Variants in UGT1A6 observed in about 807,000 individuals in gnomAD.
UGT1A6 encodes UDP glucuronosyltransferase family 1 member A6, also known as UDP-glucuronosyltransferase 1A6.
UGT1A6 carries 32 observed loss-of-function variants against 44.4 expected under a neutral mutation model. The ratio of observed to expected loss-of-function variants is 0.72; its 90% confidence interval spans 0.54 to 0.97. The LOEUF (loss-of-function observed/expected upper bound fraction) is 0.97, where lower values mean the gene tolerates loss of function less well. Among genes scored for constraint, UGT1A6 ranks in the 50% least tolerant of loss-of-function variants. The probability of loss-of-function intolerance (pLI) is 0.00; values close to 1 mark genes in which losing one functional copy is unlikely to be tolerated. For synonymous variants in UGT1A6, 238 were observed against 248.5 expected, an observed-to-expected ratio of 0.96 and a Z score of 0.40; for missense variants, 685 against 661.9, an observed-to-expected ratio of 1.03 and a Z score of -0.38.
At chr2:233,714,116 G>A (rs869462) in intron 1 of UGT1A6, among the ~76,000 whole-genome samples, 2 of 152,116 alleles carry the variant, frequency 1.3e-5, no homozygotes, top group African/African-American at 2.4e-5. Flanking sequence ...TGTGACTCAC[G>A]GAGACTGTTC....
At position 233,713,972 on chromosome 2, in the gene UGT1A6, C is replaced by T. The variant is rs191784973; in HGVS notation, c.861+20107C>T. On this transcript the variant is annotated intron_variant, in intron 1 of 4. Transcript: ENST00000305139. ...TATCTTTCCAAAGATTTCATTTCTG[C>T]TTCTCATTGTTGTAATAGTCTTCAG... 1.3e-3 allele frequency: 2,084 copies of T among 1,599,986 alleles called. 2 individuals carry two copies. Among genetic ancestry groups the T allele is most frequent in the Non-Finnish European group, 1.6e-3 (1,935 of 1,173,724 alleles).
At chr2:233,708,440 C>A (rs1172500075) in intron 1 of UGT1A6, 1 of 152,126 alleles carries the variant, frequency 6.6e-6, no homozygotes, top group African/African-American at 2.4e-5. Context: ...CTGGTATTTA[C>A]CTTCTGCATT....
chr2:233,719,157 A>C (rs757422133), intron 1 of UGT1A6: 2 of 1,614,264 alleles, frequency 1.2e-6, no homozygotes, highest in Non-Finnish European at 1.7e-6. Context: ...ATATTCTAGA[A>C]GTATGGCAAT....
chr2:233,729,563 T>C (rs1575582570), intron 1 of UGT1A6: 2 of 1,614,156 alleles, frequency 1.2e-6, no homozygotes, highest in South Asian at 1.1e-5. Flanking sequence ...GCTACTTCCT[T>C]TGATGTGGTT....
chr2:233,708,692 A>C (rs1281876444), intron 1 of UGT1A6: 3 of 152,284 alleles, frequency 2.0e-5, no homozygotes, highest in Non-Finnish European at 4.4e-5. Context: ...TCAAGGTTCC[A>C]GTGAGCTATG....
intron 1 of UGT1A6, among the ~76,000 whole-genome samples, chr2:233,724,462 A>G (rs2077262271): frequency 8.2e-6 from 1 of 121,344 alleles, no homozygotes; most frequent in Admixed American, 8.0e-5. Flanking sequence ...TGCCGGGCGG[A>G]GGGGCTCCTC....
intron 1 of UGT1A6, among the ~76,000 whole-genome samples, chr2:233,735,242 T>G (rs989843667): frequency 6.6e-6 from 1 of 152,236 alleles, no homozygotes; most frequent in African/African-American, 2.4e-5. Flanking sequence ...CTCTTGTTGT[T>G]GAATTGCTCC....
intron 1 of UGT1A6, among the ~76,000 whole-genome samples, chr2:233,724,217 A>G (rs1313805950): frequency 3.1e-4 from 30 of 97,836 alleles, no homozygotes; most frequent in Admixed American, 7.0e-4. Context: ...GGGGCTCCTC[A>G]CTTCCCAGTA....
At chr2:233,760,517 A>C in intron 1 of UGT1A6, 1 of 1,614,264 alleles carries the variant, frequency 6.2e-7, no homozygotes, top group Non-Finnish European at 8.5e-7. Context: ...TACACCTTGA[A>C]GACGTACCCT....
At position 233,693,725 on chromosome 2, in the gene UGT1A6, G is replaced by C; in HGVS notation, c.721G>C (p.Val241Leu). Residue 241 changes from valine (V) to leucine (L), a missense_variant, in exon 1 of 5, where the codon GTG (valine) becomes CTG (leucine). Val to Leu is a conservative substitution (Grantham distance 32). Transcript: ENST00000305139. ...CGCATCAGCTGTCCTCAAGAGAGAT[G>C]TGGATATAATCACCTTATATCAGAA... ...ELASAVLKRD[V>L]DIITLYQKVS... 6.2e-7 allele frequency: 1 copy of C among 1,614,208 alleles called. No homozygotes were observed. The highest frequency in any genetic ancestry group is 8.5e-7 in the Non-Finnish European group (1 of 1,180,040).
At chr2:233,761,418 C>T (rs1559408324) in intron 1 of UGT1A6, among the ~76,000 whole-genome samples, 1 of 152,184 alleles carries the variant, frequency 6.6e-6, no homozygotes, top group Admixed American at 6.5e-5. Context: ...AAACAACAAG[C>T]TGTTAAATGC....
rs544468002 is a variant in UGT1A6 at position 233,756,533 on chromosome 2, C to G, written c.862-10501C>G. Among the ~76,000 whole-genome samples, 22 of 152,166 alleles carry G rather than the reference C, an allele frequency of 1.4e-4. 2 individuals carry two copies. The South Asian group carries it at 3.5e-3, about 24-fold the overall frequency. ...TCAAATGTGCATGTTATTCACTTTT[C>G]TTGACTGCTAAAACAACCAGGGAGA... On this transcript the variant is annotated intron_variant, in intron 1 of 4. Coordinates refer to ENST00000305139, the MANE Select transcript of UGT1A6 (RefSeq NM_001072.4).
At chr2:233,717,209 CG>C (rs1559362356) in intron 1 of UGT1A6, among the ~76,000 whole-genome samples, 1 of 152,166 alleles carries the variant, frequency 6.6e-6, no homozygotes, top group African/African-American at 2.4e-5. Flanking sequence ...ACCCTCACCC[CG>C]GGCTCATCAG....
intron 1 of UGT1A6, chr2:233,760,701 C>T (rs768185321): frequency 1.2e-5 from 19 of 1,614,172 alleles, no homozygotes; most frequent in Non-Finnish European, 1.6e-5. Flanking sequence ...AGCTCATGGC[C>T]TCCCTGGCAG....
At chr2:233,736,476 GGTTT>G (rs1395913354) in intron 1 of UGT1A6, among the ~76,000 whole-genome samples, 2 of 152,080 alleles carry the variant, frequency 1.3e-5, no homozygotes, top group African/African-American at 2.4e-5. Flanking sequence ...AGCTTGGAGA[GGTTT>G]GTTACTACCA....
chr2:233,762,253 C>T (rs1056806461), intron 1 of UGT1A6, among the ~76,000 whole-genome samples: 3 of 152,100 alleles, frequency 2.0e-5, no homozygotes, highest in African/African-American at 7.2e-5. Context: ...AGGCACCCAC[C>T]GAATATGTGT....
chr2:233,772,485 T>A lies in UGT1A6; in HGVS notation c.1525T>A (p.Cys509Ser). The change falls in exon 5 of 5, where the codon TGT becomes AGT. Residue 509 changes from cysteine (C) to serine (S), a missense_variant. Physicochemically the swap from Cys to Ser is moderately radical, Grantham distance 112 (BLOSUM62 -1). Transcript: ENST00000305139. The stretch of plus-strand genomic sequence containing the variant: ...AGTGGCCTTCATCACCTTTAAATGT[T>A]GTGCTTATGGCTACCGGAAATGCTT... ...LTVAFITFKC[C>S]AYGYRKCLGK... 2 of 1,614,206 alleles carry A rather than the reference T, an allele frequency of 1.2e-6. No individual in the cohort carries two copies. The highest frequency in any genetic ancestry group is 1.7e-6 in the Non-Finnish European group (2 of 1,180,040).
intron 1 of UGT1A6, chr2:233,713,154 G>T (rs2076285126): frequency 6.2e-7 from 1 of 1,614,116 alleles, no homozygotes; most frequent in Non-Finnish European, 8.5e-7. Context: ...CCATGCGAGA[G>T]GCCACCAGGT....
chr2:233,745,019 T>C (rs1692990004), intron 1 of UGT1A6, among the ~76,000 whole-genome samples: 1 of 151,908 alleles, frequency 6.6e-6, no homozygotes, highest in Non-Finnish European at 1.5e-5. Context: ...ATGTAAATGC[T>C]ATGTAAATAG....
Sources: gnomAD v4.1 joint callset for allele counts (sites outside exome capture counted in the v4.1 genomes callset) on GRCh38, gnomAD v4.1.1 for gene constraint, MANE v1.5 for transcripts, NCBI Gene and HGNC (gene_info 2026-07-23, HGNC 2026-07-21) for gene names.